The following PDE6G variants were observed in gnomAD, a reference collection of about 807,000 sequenced individuals.
The protein encoded by PDE6G is rod cGMP 3',5'-cyclic phosphodiesterase subunit gamma.
PDE6G carries 10 observed loss-of-function variants against 10.9 expected under a neutral mutation model. The observed-to-expected ratio is 0.91, with a 90% CI of 0.56 to 1.55. PDE6G has a LOEUF of 1.55. Ranked by LOEUF, PDE6G falls within the 40% of genes most tolerant of loss-of-function variation. The pLI is 0.00. For missense variants in PDE6G, 102 were observed against 110.1 expected, an observed-to-expected ratio of 0.93 and a Z score of 0.33; for synonymous variants, 41 against 42.8, an observed-to-expected ratio of 0.96 and a Z score of 0.16.
At chr17:81,656,748 C>G (rs2036452617), upstream of PDE6G, 13 of 648,060 alleles carry the variant, frequency 2.0e-5, no homozygotes, top group South Asian at 2.0e-4. Context: ...GAAGTGTGAC[C>G]CTGAACAGCC....
chr17:81,654,375 G>GATT (rs1262516710), intron 1 of PDE6G, among the ~76,000 whole-genome samples: 1 of 136,410 alleles, frequency 7.3e-6, no homozygotes, highest in African/African-American at 2.8e-5. Flanking sequence ...GTTGCCCTCT[G>GATT]ATTCTTTTTT....
At chr17:81,656,707 A>G, upstream of PDE6G, 1 of 693,624 alleles carries the variant, frequency 1.4e-6, no homozygotes, top group East Asian at 2.7e-5. Context: ...CCAAGGAAGG[A>G]CACCCAGCAG....
rs758330420 is a variant in PDE6G at position 81,650,898 on chromosome 17, T to C, written c.*176A>G. On this transcript the variant is annotated 3_prime_UTR_variant, in exon 4 of 4. Coordinates refer to ENST00000331056, the MANE Select transcript of PDE6G (RefSeq NM_002602.4). The stretch of plus-strand genomic sequence containing the variant: ...CCTGAGGGGGCATCCTAGAGGGAGG[T>C]GGTGGGCTCCTGGTGACTGGTATTA... 1.0e-5 allele frequency: 7 copies of C among 675,626 alleles called. No individual in the cohort carries two copies. The allele number at this position is 675,626 out of a possible 1,614,324, so 41.9% of individuals were successfully genotyped here.
chr17:81,657,835 C>T (rs372313994), upstream of PDE6G, among the ~76,000 whole-genome samples: 101 of 151,660 alleles, frequency 6.7e-4, no homozygotes, highest in African/African-American at 2.3e-3. Context: ...GAGCCGAGAT[C>T]GCGCCACCGC....
upstream of PDE6G, among the ~76,000 whole-genome samples, chr17:81,657,471 T>G (rs945345289): frequency 1.3e-5 from 2 of 152,234 alleles, no homozygotes; most frequent in Non-Finnish European, 2.9e-5. Flanking sequence ...TGAATCCACC[T>G]ATGACCCGTG....
Position 81,651,986 on chromosome 17 carries a change from G to C in PDE6G, c.147-301C>G, listed in dbSNP as rs1173016792. ...GGGAGTACGGGGGGGTGCGTGGTTGGTGCATGGTCTGAGTGTAGATTTGTG... is the reference window on the plus strand; with the variant it reads ...GGGAGTACGGGGGGGTGCGTGGTTGCTGCATGGTCTGAGTGTAGATTTGTG... On this transcript the variant is annotated intron_variant, in intron 2 of 3. Coordinates refer to ENST00000331056, the MANE Select transcript of PDE6G (RefSeq NM_002602.4). This position sits in a 1 kb window ranked among gnomAD's most constrained non-coding sequence, Gnocchi z 4.8. Among the ~76,000 whole-genome samples the C allele has an allele frequency of 6.6e-6, 1 of 152,226 alleles. No individual in the cohort carries two copies. Among genetic ancestry groups the C allele is most frequent in the Non-Finnish European group, 1.5e-5 (1 of 68,024 alleles).
upstream of PDE6G, among the ~76,000 whole-genome samples, chr17:81,658,188 G>C (rs2036473276): frequency 6.6e-6 from 1 of 151,840 alleles, no homozygotes; most frequent in South Asian, 2.1e-4. Flanking sequence ...GAGTTCAAGT[G>C]ATTCTCCTGC....
chr17:81,652,732 C>T (rs1003119831), intron 2 of PDE6G, among the ~76,000 whole-genome samples: 2 of 150,840 alleles, frequency 1.3e-5, no homozygotes, highest in South Asian at 2.1e-4. Context: ...TGCACCACCA[C>T]GCCTGGCTAA....
chr17:81,655,366 T>A (rs1598721146), intron 1 of PDE6G, among the ~76,000 whole-genome samples: 6 of 152,336 alleles, frequency 3.9e-5, no homozygotes, highest in African/African-American at 1.4e-4. Context: ...CGGGCATGTG[T>A]TCCCCCTGCT....
rs943609627 is a variant in PDE6G, at chr17:81,651,366, G to A, written c.188-216C>T. 1.6e-4 allele frequency among the ~76,000 whole-genome samples: 24 copies of A among 152,042 alleles called. No individual in the cohort carries two copies. Among genetic ancestry groups the A allele is most frequent in the Non-Finnish European group, 1.2e-4 (8 of 67,962 alleles). ...CCAGGGGAGGGAACCAGAGGAGGGT[G>A]GGGCTTGCTGAAGGGGGAGGAGGCA... is the stretch of plus-strand genomic sequence containing the variant. On this transcript the variant is annotated intron_variant, in intron 3 of 3. Coordinates refer to ENST00000331056, the MANE Select transcript of PDE6G (RefSeq NM_002602.4). The surrounding 1 kb of genome is among the most constrained non-coding windows in gnomAD (Gnocchi z 4.8).
chr17:81,659,585 G>A (rs373109384), upstream of PDE6G, among the ~76,000 whole-genome samples: 1 of 151,890 alleles, frequency 6.6e-6, no homozygotes, highest in Non-Finnish European at 1.5e-5. Flanking sequence ...GGCGACAGAG[G>A]AAGACTTCAT....
At position 81,653,609 on chromosome 17, in the gene PDE6G, T is replaced by TC. The variant is rs1258776868; in HGVS notation, c.-59-246dup. 6 of 436,530 alleles carry TC rather than the reference T, an allele frequency of 1.4e-5. No individual in the cohort carries two copies. In the Admixed American group the frequency reaches 1.4e-4, roughly 10 times the overall value. 27.0% of individuals were successfully genotyped at this position (436,530 alleles called of 1,614,324 possible). A position where few individuals can be genotyped will look rare whatever the true frequency, so the allele number is the denominator to read the frequency against. On this transcript the variant is annotated intron_variant, in intron 1 of 3. Transcript: ENST00000331056. This position sits in a 1 kb window ranked among gnomAD's most constrained non-coding sequence, Gnocchi z 5.2. ...ACGCTGGCCACACACAGCTCCGGAC[T>TC]CCCCCCTGTCCTGGCCTCCCTCGCC...
At chr17:81,654,414 C>T (rs542957493) in intron 1 of PDE6G, among the ~76,000 whole-genome samples, 64 of 138,534 alleles carry the variant, frequency 4.6e-4, no homozygotes, top group African/African-American at 1.7e-3. Flanking sequence ...GAGTCTTGCT[C>T]TGTCACCCAG....
In PDE6G at chr17:81,650,900, G is replaced by T; in HGVS notation, c.*174C>A. On this transcript the variant is annotated 3_prime_UTR_variant, in exon 4 of 4. Coordinates refer to ENST00000331056, the MANE Select transcript of PDE6G (RefSeq NM_002602.4). ...TGAGGGGGCATCCTAGAGGGAGGTG[G>T]TGGGCTCCTGGTGACTGGTATTAAT... 1.5e-6 allele frequency: 1 copy of T among 679,796 alleles called. No individual in the cohort carries two copies. 42.1% of individuals were successfully genotyped at this position (679,796 alleles called of 1,614,324 possible).
upstream of PDE6G, among the ~76,000 whole-genome samples, chr17:81,658,518 T>C (rs963998218): frequency 1.4e-4 from 21 of 149,872 alleles, 1 homozygote; most frequent in East Asian, 4.2e-3. Context: ...ACCCTATCTC[T>C]GAAGAAATAT....
At position 81,653,388 on chromosome 17, in the gene PDE6G, C is replaced by A. The variant is rs528859941; in HGVS notation, c.-59-24G>T. The A allele has an allele frequency of 4.4e-4, 661 of 1,511,424 alleles. 4 individuals carry two copies. The African/African-American group carries it at 7.9e-3, about 18-fold the overall frequency. The allele number at this position is 1,511,424 out of a possible 1,614,324, so 93.6% of individuals were successfully genotyped here. ...GTCTGGGGGCAGACCAGGCCCGGGT[C>A]CCAGTCAGCCCTCCTGCTTCCAACC... On this transcript the variant is annotated intron_variant, in intron 1 of 3. Coordinates refer to ENST00000331056, the MANE Select transcript of PDE6G (RefSeq NM_002602.4). The surrounding 1 kb of genome is among the most constrained non-coding windows in gnomAD (Gnocchi z 5.2).
Position 81,653,345 on chromosome 17 carries a change from G to A in PDE6G, c.-40C>T, listed in dbSNP as rs1451922128. On this transcript the variant is annotated 5_prime_UTR_variant, in exon 2 of 4. Transcript: ENST00000331056. This position sits in a 1 kb window ranked among gnomAD's most constrained non-coding sequence, Gnocchi z 5.2. ...AGACACCGCGGCAACCTTGGCTCCTGGACTCCCTCCTGCTGCGGTCTGGGG... is the reference window on the plus strand; with the variant it reads ...AGACACCGCGGCAACCTTGGCTCCTAGACTCCCTCCTGCTGCGGTCTGGGG... 1.9e-6 allele frequency: 3 copies of A among 1,605,746 alleles called. No homozygotes were observed. The highest frequency in any genetic ancestry group is 2.7e-5 in the African/African-American group (2 of 74,874).
Position 81,651,768 on chromosome 17 carries a change from C to T in PDE6G, c.147-83G>A. 1.4e-6 allele frequency: 2 copies of T among 1,426,468 alleles called. No homozygotes were observed. The highest frequency in any genetic ancestry group is 2.0e-6 in the Non-Finnish European group (2 of 1,023,708). 88.4% of individuals were successfully genotyped at this position (1,426,468 alleles called of 1,614,324 possible). A position where few individuals can be genotyped will look rare whatever the true frequency, so the allele number is the denominator to read the frequency against. The stretch of plus-strand genomic sequence containing the variant: ...GAGGCCCGAGGTCATCTCTAGCCTT[C>T]CTAGGAGATGAGGTGTTTGGCTGGG... On this transcript the variant is annotated intron_variant, in intron 2 of 3. Transcript: ENST00000331056. The surrounding 1 kb of genome is among the most constrained non-coding windows in gnomAD (Gnocchi z 4.8).
chr17:81,651,108 T>A lies in PDE6G; in HGVS notation c.230A>T (p.Glu77Val), dbSNP rs775142047. 1.2e-6 allele frequency: 2 copies of A among 1,613,870 alleles called. No individual in the cohort carries two copies. Among genetic ancestry groups the A allele is most frequent in the Non-Finnish European group, 1.7e-6 (2 of 1,179,840 alleles). ...GCCATATTGGGCCAGCTCGTGCAGCTCCAGGTGGTTGAAGGCCTCCCAAGG... is the reference window on the plus strand; with the variant it reads ...GCCATATTGGGCCAGCTCGTGCAGCACCAGGTGGTTGAAGGCCTCCCAAGG... ...ICPWEAFNHL[E>V]LHELAQYGII Residue 77 changes from glutamate (E) to valine (V), a missense_variant, in exon 4 of 4, where the codon GAG becomes GTG. By Grantham distance (121) the Glu-to-Val change is moderately radical. Coordinates refer to ENST00000331056, the MANE Select transcript of PDE6G (RefSeq NM_002602.4). The surrounding 1 kb of genome is among the most constrained non-coding windows in gnomAD (Gnocchi z 4.8).
Sources: gnomAD v4.1 joint callset for allele counts (sites outside exome capture counted in the v4.1 genomes callset) on GRCh38, gnomAD v4.1.1 for gene constraint, Gnocchi (gnomAD v3.1) non-coding constraint, MANE v1.5 for transcripts, NCBI Gene and HGNC (gene_info 2026-07-23, HGNC 2026-07-21) for gene names.